The following MLLT3 variants were observed in gnomAD, a reference collection of about 807,000 sequenced individuals.
The protein encoded by MLLT3 is protein AF-9.
MLLT3 carries 4 observed loss-of-function variants against 53.2 expected under a neutral mutation model. The ratio of observed to expected loss-of-function variants is 0.08; its 90% CI spans 0.04 to 0.17. The LOEUF is 0.17. Ranked by LOEUF, MLLT3 falls within the 10% of genes least tolerant of loss-of-function variation. The probability of loss-of-function intolerance (pLI) is 1.00; values close to 1 mark genes in which losing one functional copy is unlikely to be tolerated. For missense variants in MLLT3, 569 were observed against 684.0 expected, an observed-to-expected ratio of 0.83 and a Z score of 1.87; for synonymous variants, 283 against 230.6, an observed-to-expected ratio of 1.23 and a Z score of -2.06.
rs548275604 is a variant in MLLT3, at chr9:20,546,344, G to C, written c.193+74310C>G. ...GCTTGAGGCCCAGAGTTTGAAACCA[G>C]CCTGGGCAATACAGTGAGGCACTGT... is the stretch of plus-strand genomic sequence containing the variant. On this transcript the variant is annotated intron_variant, in intron 2 of 10. Transcript: ENST00000380338. Among the ~76,000 whole-genome samples the C allele has an allele frequency of 4.6e-5, 7 of 152,254 alleles. No homozygotes were observed. The East Asian group carries it at 1.4e-3, about 29-fold the overall frequency.
chr9:20,415,817 G>A (rs1051803682), intron 4 of MLLT3, among the ~76,000 whole-genome samples: 9 of 151,820 alleles, frequency 5.9e-5, no homozygotes, highest in Non-Finnish European at 8.8e-5. Context: ...GCATCACAAA[G>A]TAATATCCAA....
intron 2 of MLLT3, among the ~76,000 whole-genome samples, chr9:20,501,176 A>G (rs1253941451): frequency 6.6e-6 from 1 of 152,174 alleles, no homozygotes; most frequent in East Asian, 1.9e-4. Flanking sequence ...GATGTCACAA[A>G]TCTTTATTCA....
At chr9:20,444,864 C>A (rs916182988) in intron 4 of MLLT3, among the ~76,000 whole-genome samples, 3 of 150,044 alleles carry the variant, frequency 2.0e-5, no homozygotes, top group African/African-American at 4.9e-5. Context: ...AGAGTAAGAC[C>A]CTATCTCAAA....
intron 2 of MLLT3, among the ~76,000 whole-genome samples, chr9:20,619,511 TATG>T (rs750014193): frequency 1.1e-4 from 16 of 152,348 alleles, no homozygotes; most frequent in African/African-American, 3.4e-4. Context: ...ATGGATTTAT[TATG>T]ATATTACTCT....
At chr9:20,352,145 G>A (rs1821044167) in intron 10 of MLLT3, among the ~76,000 whole-genome samples, 1 of 152,200 alleles carries the variant, frequency 6.6e-6, no homozygotes. Flanking sequence ...GACACCCCAA[G>A]GTAAGATCTG....
At chr9:20,518,132 G>A in intron 2 of MLLT3, among the ~76,000 whole-genome samples, 1 of 152,100 alleles carries the variant, frequency 6.6e-6, no homozygotes. Flanking sequence ...GATCACCTGA[G>A]GTCAGGAGTT....
chr9:20,430,508 T>C (rs909476285), intron 4 of MLLT3, among the ~76,000 whole-genome samples: 5 of 152,110 alleles, frequency 3.3e-5, no homozygotes, highest in African/African-American at 9.6e-5. Flanking sequence ...TGGCGGATCA[T>C]TGATAAAAGC....
chr9:20,487,836 GA>G (rs1824852517), intron 2 of MLLT3, among the ~76,000 whole-genome samples: 1 of 152,054 alleles, frequency 6.6e-6, no homozygotes. Context: ...AAGATCTGAG[GA>G]AAACCAAACT....
chr9:20,452,049 G>A (rs1157286553), intron 3 of MLLT3, among the ~76,000 whole-genome samples: 2 of 152,178 alleles, frequency 1.3e-5, no homozygotes, highest in Non-Finnish European at 2.9e-5. Flanking sequence ...AGAGAAGCAG[G>A]AAAAACACAG....
At chr9:20,574,191 C>T (rs1303188775) in intron 2 of MLLT3, among the ~76,000 whole-genome samples, 2 of 152,172 alleles carry the variant, frequency 1.3e-5, no homozygotes, top group Non-Finnish European at 2.9e-5. Flanking sequence ...CCCGGACTAA[C>T]TGCAAATCAC....
At chr9:20,612,945 C>A (rs760952314) in intron 2 of MLLT3, among the ~76,000 whole-genome samples, 4 of 152,130 alleles carry the variant, frequency 2.6e-5, no homozygotes, top group Non-Finnish European at 5.9e-5. Flanking sequence ...AGGCCTATGT[C>A]CAAACCCTTG....
At position 20,397,296 on chromosome 9, in the gene MLLT3, A is replaced by G. The variant is rs573843545; in HGVS notation, c.1125+16425T>C. Among the ~76,000 whole-genome samples the G allele has an allele frequency of 9.8e-5, 15 of 152,292 alleles. No homozygotes were observed. The South Asian group carries it at 3.1e-3, about 32-fold the overall frequency. On this transcript the variant is annotated intron_variant, in intron 5 of 10. Coordinates refer to ENST00000380338, the MANE Select transcript of MLLT3 (RefSeq NM_004529.4). ...ACATTATTGGTTTCTAAAACATTTA[A>G]TTAACATAATTAGAAGAACAACTGA...
At chr9:20,568,823 A>G (rs1238720784) in intron 2 of MLLT3, among the ~76,000 whole-genome samples, 2 of 152,192 alleles carry the variant, frequency 1.3e-5, no homozygotes, top group African/African-American at 4.8e-5. Flanking sequence ...AATCCTCACT[A>G]CAGTCCTGAG....
intron 2 of MLLT3, among the ~76,000 whole-genome samples, chr9:20,585,868 C>A (rs10757140): frequency 0.71 from 107,233 of 152,024 alleles, 39,753 homozygotes; most frequent in Middle Eastern, 0.87. Flanking sequence ...GTCAAGAATA[C>A]CAAACACTAA....
chr9:20,580,391 G>C (rs1387346328), intron 2 of MLLT3, among the ~76,000 whole-genome samples: 2 of 151,628 alleles, frequency 1.3e-5, no homozygotes, highest in African/African-American at 4.9e-5. Context: ...ATTTCTTAGA[G>C]AAAATCTCTT....
At chr9:20,551,910 T>C (rs1169368731) in intron 2 of MLLT3, among the ~76,000 whole-genome samples, 1 of 152,226 alleles carries the variant, frequency 6.6e-6, no homozygotes, top group Non-Finnish European at 1.5e-5. Flanking sequence ...TAAGTCTTCA[T>C]TCAACCCCCA....
At chr9:20,450,636 T>C (rs1823814944) in intron 3 of MLLT3, among the ~76,000 whole-genome samples, 1 of 152,164 alleles carries the variant, frequency 6.6e-6, no homozygotes, top group South Asian at 2.1e-4. Context: ...TTCCCCTCTA[T>C]TGCCTAGTTA....
At chr9:20,616,380 T>A (rs1431485486) in intron 2 of MLLT3, among the ~76,000 whole-genome samples, 1 of 152,170 alleles carries the variant, frequency 6.6e-6, no homozygotes. Context: ...GATAGCTACA[T>A]GCTAATCCCT....
At chr9:20,582,413 AC>A (rs771120470) in intron 2 of MLLT3, among the ~76,000 whole-genome samples, 3 of 151,752 alleles carry the variant, frequency 2.0e-5, no homozygotes, top group Non-Finnish European at 4.4e-5. Context: ...TCCCCACCAA[AC>A]CCCCAGCAAC....
Sources: allele counts gnomAD v4.1 joint callset (sites outside exome capture counted in the v4.1 genomes callset), GRCh38; gene constraint gnomAD v4.1.1; transcripts MANE v1.5; gene names NCBI Gene and HGNC (gene_info 2026-07-23, HGNC 2026-07-21).